The following TBC1D22A variants were observed in gnomAD, a reference collection of about 807,000 sequenced individuals.
TBC1D22A encodes the protein TBC1 domain family member 22A.
A neutral mutation model predicts 60.2 loss-of-function variants in TBC1D22A; 38 were observed. The observed-to-expected ratio is 0.63, with a 90% confidence interval of 0.49 to 0.83. The LOEUF is 0.83. Among genes scored for constraint, TBC1D22A ranks in the 40% least tolerant of loss-of-function variants. The pLI, the probability that TBC1D22A is intolerant of heterozygous loss-of-function variation, is 0.00. For missense variants in TBC1D22A, 628 were observed against 701.0 expected, an observed-to-expected ratio of 0.90 and a Z score of 1.18; for synonymous variants, 302 against 281.7, an observed-to-expected ratio of 1.07 and a Z score of -0.72.
intron 4 of TBC1D22A, among the ~76,000 whole-genome samples, chr22:46,817,080 C>CATCTAGACCT (rs2085632712): frequency 6.6e-6 from 1 of 152,144 alleles, no homozygotes; most frequent in East Asian, 1.9e-4. Flanking sequence ...TAAGTAGGCA[C>CATCTAGACCT]ATCTTTTTGT....
chr22:46,879,838 T>A (rs940734415), intron 5 of TBC1D22A, among the ~76,000 whole-genome samples: 1 of 152,240 alleles, frequency 6.6e-6, no homozygotes, highest in Admixed American at 6.5e-5. Context: ...TATTTTATAC[T>A]GTGCTTTCTC....
intron 11 of TBC1D22A, among the ~76,000 whole-genome samples, chr22:47,087,565 A>G (rs1355673448): frequency 6.6e-6 from 1 of 152,254 alleles, no homozygotes; most frequent in Non-Finnish European, 1.5e-5. Context: ...AAAGTTCTCA[A>G]ACTTCAGATT....
intron 8 of TBC1D22A, among the ~76,000 whole-genome samples, chr22:46,961,415 G>A (rs933664921): frequency 7.2e-5 from 11 of 152,132 alleles, no homozygotes; most frequent in African/African-American, 1.9e-4. Context: ...GTGCATTTCC[G>A]TGTAATTTTG....
At chr22:46,919,982 C>A (rs1023138247) in intron 8 of TBC1D22A, among the ~76,000 whole-genome samples, 3 of 152,132 alleles carry the variant, frequency 2.0e-5, no homozygotes, top group Admixed American at 6.5e-5. Flanking sequence ...AACTGTTTAA[C>A]CCCCTTAAAA....
At chr22:46,899,987 T>C (rs923546450) in intron 7 of TBC1D22A, among the ~76,000 whole-genome samples, 1 of 152,136 alleles carries the variant, frequency 6.6e-6, no homozygotes, top group East Asian at 1.9e-4. Context: ...CATTTGCTTA[T>C]CCATTCCACA....
chr22:47,037,019 G>C, intron 10 of TBC1D22A, 52 bp from the exon 11 acceptor site: 1 of 1,606,790 alleles, frequency 6.2e-7, no homozygotes. Flanking sequence ...GGCTGCCAGT[G>C]CCTCCATAGG....
At chr22:47,115,411 C>T (rs1187013438) in intron 12 of TBC1D22A, among the ~76,000 whole-genome samples, 2 of 151,812 alleles carry the variant, frequency 1.3e-5, no homozygotes, top group East Asian at 3.9e-4. Flanking sequence ...GAGCCCTGCC[C>T]CGCCCCTTTA....
chr22:47,079,606 C>A (rs1478134740), intron 11 of TBC1D22A, among the ~76,000 whole-genome samples: 1 of 152,132 alleles, frequency 6.6e-6, no homozygotes, highest in Non-Finnish European at 1.5e-5. Flanking sequence ...ATTCTATAAA[C>A]CCTAGAGCGA....
At chr22:47,052,561 C>T (rs775737107) in intron 11 of TBC1D22A, among the ~76,000 whole-genome samples, 1 of 152,194 alleles carries the variant, frequency 6.6e-6, no homozygotes. Flanking sequence ...TCACACAGCA[C>T]GGTGTGCCCA....
rs557910010 is a variant in TBC1D22A at position 47,056,944 on chromosome 22, C to T, written c.1329+19746C>T. On this transcript the variant is annotated intron_variant, in intron 11 of 12. Transcript: ENST00000337137. ...ATGGGAGGTGCTGGCGGGCTGCAGT[C>T]ACAGGGAGGGGTCCAGCAGCCGCCT... Among the ~76,000 whole-genome samples, 119 of 152,292 alleles carry T rather than the reference C, an allele frequency of 7.8e-4. 2 individuals are homozygous for T. The Middle Eastern group carries it at 0.02, about 26-fold the overall frequency.
chr22:46,985,953 T>C (rs1488273052), intron 9 of TBC1D22A, among the ~76,000 whole-genome samples: 1 of 152,120 alleles, frequency 6.6e-6, no homozygotes, highest in Non-Finnish European at 1.5e-5. Context: ...GAATTTATCA[T>C]TTTTTTTCTT....
chr22:46,768,766 G>A (rs942522571), intron 1 of TBC1D22A, among the ~76,000 whole-genome samples: 1 of 152,108 alleles, frequency 6.6e-6, no homozygotes, highest in Admixed American at 6.6e-5. Flanking sequence ...GGGTATGCAG[G>A]CAGCTGGGGT....
intron 8 of TBC1D22A, among the ~76,000 whole-genome samples, chr22:46,912,585 G>A (rs2070026989): frequency 6.6e-6 from 1 of 152,100 alleles, no homozygotes; most frequent in Non-Finnish European, 1.5e-5. Context: ...GAGACGGAGT[G>A]TTGCTCTGCT....
At chr22:47,074,852 A>T (rs1325275529) in intron 11 of TBC1D22A, among the ~76,000 whole-genome samples, 1 of 152,190 alleles carries the variant, frequency 6.6e-6, no homozygotes, top group Non-Finnish European at 1.5e-5. Context: ...AGCCTCATTC[A>T]TCAGTGTTCT....
At chr22:46,850,560 T>A (rs1368985574) in intron 4 of TBC1D22A, among the ~76,000 whole-genome samples, 1 of 152,098 alleles carries the variant, frequency 6.6e-6, no homozygotes, top group Non-Finnish European at 1.5e-5. Flanking sequence ...AAATCAGAAC[T>A]CTTATACGCT....
chr22:46,898,584 C>A (rs758134839), intron 7 of TBC1D22A, among the ~76,000 whole-genome samples: 35 of 152,000 alleles, frequency 2.3e-4, no homozygotes, highest in Non-Finnish European at 4.9e-4. Context: ...AGGGAAAATG[C>A]AGGGAGTCTG....
chr22:46,815,628 C>T (rs2085562349), intron 4 of TBC1D22A, among the ~76,000 whole-genome samples: 1 of 152,224 alleles, frequency 6.6e-6, no homozygotes, highest in South Asian at 2.1e-4. Flanking sequence ...TTGATTTGTT[C>T]ACTCATTTAC....
chr22:46,999,110 G>C (rs543491753), intron 10 of TBC1D22A, among the ~76,000 whole-genome samples: 2 of 152,202 alleles, frequency 1.3e-5, no homozygotes, highest in East Asian at 1.9e-4. Context: ...TCGTGTTTTC[G>C]TGGAGGTTAG....
intron 11 of TBC1D22A, among the ~76,000 whole-genome samples, chr22:47,091,343 C>T (rs1443788366): frequency 8.2e-5 from 6 of 73,406 alleles, no homozygotes; most frequent in Non-Finnish European, 9.4e-5. Flanking sequence ...CACTAGAAGT[C>T]GTCTTTGGGG....
Sources: allele counts gnomAD v4.1 joint callset (sites outside exome capture counted in the v4.1 genomes callset), GRCh38; gene constraint gnomAD v4.1.1; transcripts MANE v1.5; gene names NCBI Gene and HGNC (gene_info 2026-07-23, HGNC 2026-07-21).